ZMYND12: variants seen among roughly 807,000 people sequenced by gnomAD.
ZMYND12 encodes the protein zinc finger MYND domain-containing protein 12.
Under a neutral mutation model 41.7 loss-of-function variants are expected in ZMYND12, and 32 were observed. The observed-to-expected ratio is 0.77, with a 90% CI of 0.58 to 1.03. The LOEUF is 1.03. Among genes scored for constraint, ZMYND12 ranks in the 50% least tolerant of loss-of-function variants. The pLI, the probability that ZMYND12 is intolerant of heterozygous loss-of-function variation, is 0.00. For missense variants in ZMYND12, 424 were observed against 438.5 expected (o/e 0.97, Z 0.30); for synonymous variants, 148 against 164.8 (o/e 0.90, Z 0.78).
chr1:42,430,976 CCACT>C, intron 7 of ZMYND12, 118 bp from the exon 8 acceptor site: 1 of 1,368,716 alleles, frequency 7.3e-7, no homozygotes, highest in Non-Finnish European at 9.9e-7. Context: ...TTCACACCAC[CCACT>C]GAGCTCTTGT....
At chr1:42,432,997 AACATCGTGAGC>A in intron 7 of ZMYND12, 135 bp downstream of exon 7, 1 of 954,826 alleles carries the variant, frequency 1.0e-6, no homozygotes, top group Admixed American at 2.6e-5. Context: ...ACACAGGAGA[AACATCGTGAGC>A]ATCTGAACCT....
chr1:42,436,348 T>A lies in ZMYND12; in HGVS notation c.717+73A>T, dbSNP rs560979046. The A allele has an allele frequency of 5.0e-6, 8 of 1,587,538 alleles. No homozygotes were observed. In the South Asian group the frequency reaches 5.6e-5, roughly 11 times the overall value. The stretch of plus-strand genomic sequence containing the variant: ...TTTCTCATGAATGGTATGTTTTTCA[T>A]GAATAGTCTAATACAAGTTGTAAGA... On this transcript the variant is annotated intron_variant, in intron 5 of 7. Coordinates refer to ENST00000372565, the MANE Select transcript of ZMYND12 (RefSeq NM_032257.5).
chr1:42,449,479 G>A (rs576385611), intron 2 of ZMYND12, among the ~76,000 whole-genome samples: 1 of 152,254 alleles, frequency 6.6e-6, no homozygotes, highest in Non-Finnish European at 1.5e-5. Context: ...AACCTAATCT[G>A]ACTTGTGTCT....
At chr1:42,446,113 G>A (rs958651618) in intron 3 of ZMYND12, among the ~76,000 whole-genome samples, 1 of 152,192 alleles carries the variant, frequency 6.6e-6, no homozygotes, top group Non-Finnish European at 1.5e-5. Context: ...AGCAGAGGCA[G>A]CCTGGAATGG....
intron 4 of ZMYND12, among the ~76,000 whole-genome samples, chr1:42,439,327 G>A (rs372966984): frequency 1.3e-5 from 2 of 151,320 alleles, no homozygotes; most frequent in African/African-American, 4.9e-5. Context: ...GTGCAGTGGC[G>A]CGATCTCGGC....
At chr1:42,452,619 C>T (rs1267301942) in intron 1 of ZMYND12, among the ~76,000 whole-genome samples, 2 of 152,114 alleles carry the variant, frequency 1.3e-5, no homozygotes, top group African/African-American at 4.8e-5. Context: ...AAGAGAATTG[C>T]TTGAACCCGG....
rs1046274500 is a variant in ZMYND12, at chr1:42,430,677, G to T, written c.*59C>A. 1 of 1,596,746 alleles carries T rather than the reference G, an allele frequency of 6.3e-7. No homozygotes were observed. Among genetic ancestry groups the T allele is most frequent in the South Asian group, 1.1e-5 (1 of 90,234 alleles). On this transcript the variant is annotated 3_prime_UTR_variant, in exon 8 of 8. Coordinates refer to ENST00000372565, the MANE Select transcript of ZMYND12 (RefSeq NM_032257.5). ...ACCTCAAAGCAGTTGTGCAAGGCTG[G>T]AATATATTAGATCTTCAGTAGCCCC... is the stretch of plus-strand genomic sequence containing the variant.
chr1:42,433,026 G>T, intron 7 of ZMYND12, 117 bp downstream of exon 7: 1 of 1,315,570 alleles, frequency 7.6e-7, no homozygotes, highest in Non-Finnish European at 1.1e-6. Context: ...CCTCTTTGGA[G>T]TGAGGGCTTG....
At chr1:42,436,077 C>T (rs149366199) in intron 5 of ZMYND12, among the ~76,000 whole-genome samples, 9 of 152,312 alleles carry the variant, frequency 5.9e-5, no homozygotes, top group African/African-American at 9.6e-5. Flanking sequence ...TTGGAAATCT[C>T]CTTCTCTATC....
chr1:42,453,095 T>C (rs898582100), intron 1 of ZMYND12, among the ~76,000 whole-genome samples: 1 of 152,188 alleles, frequency 6.6e-6, no homozygotes, highest in African/African-American at 2.4e-5. Flanking sequence ...GGGTACTAGA[T>C]GCTTTACATT....
intron 4 of ZMYND12, 75 bp downstream of exon 4, chr1:42,439,781 A>G (rs1348142069): frequency 2.1e-6 from 3 of 1,427,030 alleles, no homozygotes; most frequent in Non-Finnish European, 2.8e-6. Flanking sequence ...AAAAAATTAA[A>G]CAGATTTTGG....
chr1:42,451,775 T>C (rs1643085677), intron 1 of ZMYND12, among the ~76,000 whole-genome samples: 1 of 152,220 alleles, frequency 6.6e-6, no homozygotes, highest in African/African-American at 2.4e-5. Context: ...AGCCAGGATA[T>C]AGCTGAGTTC....
chr1:42,444,392 G>A (rs1371571801), intron 3 of ZMYND12, among the ~76,000 whole-genome samples: 3 of 152,306 alleles, frequency 2.0e-5, no homozygotes, highest in Non-Finnish European at 1.5e-5. Context: ...CATGTGCACA[G>A]GAAAGTGATT....
intron 4 of ZMYND12, among the ~76,000 whole-genome samples, 164 bp downstream of exon 4, chr1:42,439,692 C>T (rs761283870): frequency 4.6e-5 from 7 of 152,048 alleles, no homozygotes; most frequent in Non-Finnish European, 7.4e-5. Context: ...GAACTCGGGT[C>T]GGTAGAATTG....
intron 1 of ZMYND12, among the ~76,000 whole-genome samples, chr1:42,450,786 T>G (rs1643075758): frequency 6.6e-6 from 1 of 151,892 alleles, no homozygotes; most frequent in Non-Finnish European, 1.5e-5. Context: ...TAGTATGTTG[T>G]TTTTGTTTTC....
intron 4 of ZMYND12, among the ~76,000 whole-genome samples, chr1:42,439,471 G>A (rs1036865139): frequency 3.9e-5 from 6 of 152,078 alleles, no homozygotes; most frequent in East Asian, 3.9e-4. Context: ...TCACCATGTT[G>A]GCCAGGACGG....
At position 42,449,950 on chromosome 1, in the gene ZMYND12, G is replaced by T; in HGVS notation, c.220C>A (p.Gln74Lys). The change falls in exon 2 of 8, where the codon CAG (glutamine) becomes AAG (lysine). Residue 74 changes from glutamine to lysine, a missense_variant. Transcript: ENST00000372565. ...MPFYNSEEER[Q>K]HGLQQLQQRQ... ...TGCTGCAGCTGCTGCAGGCCATGCT[G>T]CCGTTCTTCCTCTGAATTGTAGAAG... The T allele has an allele frequency of 6.2e-7, 1 of 1,613,138 alleles. No individual in the cohort carries two copies. The highest frequency in any genetic ancestry group is 8.5e-7 in the Non-Finnish European group (1 of 1,180,020).
At chr1:42,451,129 C>T (rs1333687430) in intron 1 of ZMYND12, among the ~76,000 whole-genome samples, 2 of 152,092 alleles carry the variant, frequency 1.3e-5, no homozygotes, top group Non-Finnish European at 2.9e-5. Flanking sequence ...TATTTCCTTG[C>T]TGATCTGTCT....
intron 6 of ZMYND12, 140 bp from the exon 7 acceptor site, chr1:42,433,428 G>GT: frequency 1.0e-6 from 1 of 975,478 alleles, no homozygotes; most frequent in Non-Finnish European, 1.4e-6. Context: ...ATTACAGCAA[G>GT]TTTTTTACCT....
Sources: gnomAD v4.1 joint callset for allele counts (sites outside exome capture counted in the v4.1 genomes callset) on GRCh38, gnomAD v4.1.1 for gene constraint, MANE v1.5 for transcripts, NCBI Gene and HGNC (gene_info 2026-07-23, HGNC 2026-07-21) for gene names.